Variants in SMOC1 observed in about 807,000 individuals in gnomAD.
SMOC1 encodes the protein SPARC related modular calcium binding 1.
Under a neutral mutation model 56.3 loss-of-function variants are expected in SMOC1, and 22 were observed. The ratio of observed to expected loss-of-function variants is 0.39; its 90% CI spans 0.28 to 0.56. SMOC1 has a LOEUF of 0.56. Among genes scored for constraint, SMOC1 ranks in the 20% least tolerant of loss-of-function variants. The pLI is 0.61. For missense variants in SMOC1, 509 were observed against 565.4 expected, an observed-to-expected ratio of 0.90 and a Z score of 1.01; for synonymous variants, 193 against 215.0, an observed-to-expected ratio of 0.90 and a Z score of 0.89.
chr14:69,966,937 A>G (rs1022168783), intron 3 of SMOC1, among the ~76,000 whole-genome samples: 1 of 152,182 alleles, frequency 6.6e-6, no homozygotes, highest in African/African-American at 2.4e-5. Context: ...GGATTTATAT[A>G]TCTTTCCATC....
chr14:69,973,854 G>A (rs1198859896), intron 3 of SMOC1, among the ~76,000 whole-genome samples: 1 of 152,124 alleles, frequency 6.6e-6, no homozygotes, highest in African/African-American at 2.4e-5. Context: ...TCCTCTCACT[G>A]CTCCCTTCCA....
rs145971988 is a variant in SMOC1 at position 69,898,672 on chromosome 14, C to G, written c.99+18895C>G. 1.6e-4 allele frequency among the ~76,000 whole-genome samples: 24 copies of G among 152,168 alleles called. No individual in the cohort carries two copies. The East Asian group carries it at 4.6e-3, about 29-fold the overall frequency. On this transcript the variant is annotated intron_variant, in intron 1 of 11. Transcript: ENST00000361956. ...AATTTCCATTTCTCTGTTTATATTACCTATCTGTTCTTGTATGTTGTTTAC... is the reference window on the plus strand; with the variant it reads ...AATTTCCATTTCTCTGTTTATATTAGCTATCTGTTCTTGTATGTTGTTTAC...
At chr14:69,922,472 G>A (rs1473843291) in intron 1 of SMOC1, among the ~76,000 whole-genome samples, 2 of 152,180 alleles carry the variant, frequency 1.3e-5, no homozygotes, top group African/African-American at 2.4e-5. Flanking sequence ...GGGGAAAGTC[G>A]TGGATCAGGT....
chr14:70,024,404 TA>T (rs1232181729), intron 11 of SMOC1, among the ~76,000 whole-genome samples: 1 of 152,184 alleles, frequency 6.6e-6, no homozygotes, highest in Non-Finnish European at 1.5e-5. Context: ...GCCTGTGAAC[TA>T]AGAATGATTT....
At chr14:69,936,530 A>G (rs1885299542) in intron 1 of SMOC1, among the ~76,000 whole-genome samples, 1 of 152,240 alleles carries the variant, frequency 6.6e-6, no homozygotes, top group South Asian at 2.1e-4. Context: ...GAAGCCGAGA[A>G]GGCATCCTTC....
At chr14:69,995,161 A>G (rs1884721295) in intron 7 of SMOC1, among the ~76,000 whole-genome samples, 1 of 152,224 alleles carries the variant, frequency 6.6e-6, no homozygotes, top group Non-Finnish European at 1.5e-5. Flanking sequence ...TGCATAATTT[A>G]TGCCTGGTTG....
intron 1 of SMOC1, among the ~76,000 whole-genome samples, chr14:69,914,239 C>G (rs1264615216): frequency 6.6e-6 from 1 of 152,164 alleles, no homozygotes; most frequent in African/African-American, 2.4e-5. Context: ...TTTTCTGGAG[C>G]AGATGGTAAA....
At chr14:69,974,602 A>T (rs1030812834) in intron 3 of SMOC1, among the ~76,000 whole-genome samples, 1 of 152,096 alleles carries the variant, frequency 6.6e-6, no homozygotes, top group African/African-American at 2.4e-5. Context: ...GAATCACTGA[A>T]GGATTCTAAG....
intron 1 of SMOC1, among the ~76,000 whole-genome samples, chr14:69,880,847 G>A (rs1204207358): frequency 1.3e-5 from 2 of 152,210 alleles, no homozygotes; most frequent in African/African-American, 4.8e-5. Flanking sequence ...ATTGCAGGTT[G>A]TTTATTCATA....
intron 3 of SMOC1, among the ~76,000 whole-genome samples, chr14:69,956,292 T>G (rs923142767): frequency 6.6e-6 from 1 of 152,198 alleles, no homozygotes; most frequent in African/African-American, 2.4e-5. Flanking sequence ...CTACAGTGAT[T>G]GAAATGGATG....
chr14:70,026,484 T>C (rs1885930630), intron 11 of SMOC1, among the ~76,000 whole-genome samples: 1 of 152,172 alleles, frequency 6.6e-6, no homozygotes, highest in Non-Finnish European at 1.5e-5. Flanking sequence ...GACAGAAGCA[T>C]CCAGAGAAAA....
At chr14:70,024,342 C>T (rs1885846589) in intron 11 of SMOC1, among the ~76,000 whole-genome samples, 1 of 152,128 alleles carries the variant, frequency 6.6e-6, no homozygotes, top group Admixed American at 6.5e-5. Context: ...AACCAGGGCT[C>T]AGCAAACAAT....
intron 7 of SMOC1, among the ~76,000 whole-genome samples, chr14:69,995,389 C>T (rs538166529): frequency 5.3e-5 from 8 of 152,206 alleles, no homozygotes; most frequent in African/African-American, 7.2e-5. Flanking sequence ...TGAATTCACA[C>T]GCCATCAGTT....
Position 69,925,885 on chromosome 14 carries a change from C to A in SMOC1, c.100-26253C>A, listed in dbSNP as rs1270818851. Among the ~76,000 whole-genome samples the A allele has an allele frequency of 2.6e-5, 4 of 152,178 alleles. No homozygotes were observed. In the East Asian group the frequency reaches 7.7e-4, roughly 29 times the overall value. ...ATCAAACCCTGTTTCTTGCTTATAT[C>A]TCAGACCACCACGAAAGACAGACAC... On this transcript the variant is annotated intron_variant, in intron 1 of 11. Coordinates refer to ENST00000361956, the MANE Select transcript of SMOC1 (RefSeq NM_001034852.3).
At chr14:70,028,778 CCTT>C (rs1886027512) in intron 11 of SMOC1, among the ~76,000 whole-genome samples, 1 of 152,206 alleles carries the variant, frequency 6.6e-6, no homozygotes, top group Non-Finnish European at 1.5e-5. Context: ...GGGGCTGTCA[CCTT>C]CTTTTAGAGT....
chr14:69,941,027 T>C (rs1214570109), intron 1 of SMOC1, among the ~76,000 whole-genome samples: 1 of 152,182 alleles, frequency 6.6e-6, no homozygotes, highest in Non-Finnish European at 1.5e-5. Context: ...CAAGGAGGAC[T>C]AAAACCTAAA....
intron 1 of SMOC1, among the ~76,000 whole-genome samples, chr14:69,914,278 T>C (rs1408841036): frequency 6.6e-6 from 1 of 152,210 alleles, no homozygotes; most frequent in Non-Finnish European, 1.5e-5. Flanking sequence ...GTATAGGGTC[T>C]CTGTTGCAAA....
At position 69,943,058 on chromosome 14, in the gene SMOC1, C is replaced by T. The variant is rs572950616; in HGVS notation, c.100-9080C>T. 5.5e-4 allele frequency among the ~76,000 whole-genome samples: 84 copies of T among 152,144 alleles called. 2 individuals carry two copies. In the South Asian group the frequency reaches 0.017, roughly 30 times the overall value. ...AAGTCGGGTGGGTGGGGTGAAGTGACTGCTAAATTCCTCCCTTGGGGAGGG... is the reference window on the plus strand; with the variant it reads ...AAGTCGGGTGGGTGGGGTGAAGTGATTGCTAAATTCCTCCCTTGGGGAGGG... On this transcript the variant is annotated intron_variant, in intron 1 of 11. Transcript: ENST00000361956.
rs146640750 is a variant in SMOC1, at chr14:69,937,118, G to A, written c.100-15020G>A. On this transcript the variant is annotated intron_variant, in intron 1 of 11. Coordinates refer to ENST00000361956, the MANE Select transcript of SMOC1 (RefSeq NM_001034852.3). ...CATCAGAAAAGCCTGTGGAGTTCCC[G>A]TTCTTTGAGAGTGTGCAGGCTTTGC... 1.6e-4 allele frequency among the ~76,000 whole-genome samples: 24 copies of A among 152,244 alleles called. No individual in the cohort carries two copies. In the East Asian group the frequency reaches 3.3e-3, roughly 21 times the overall value.
Sources: allele counts gnomAD v4.1 joint callset (sites outside exome capture counted in the v4.1 genomes callset), GRCh38; gene constraint gnomAD v4.1.1; transcripts MANE v1.5; gene names NCBI Gene and HGNC (gene_info 2026-07-23, HGNC 2026-07-21).